VPS53: variants seen among roughly 807,000 people sequenced by gnomAD.
VPS53 encodes VPS53 subunit of GARP complex.
VPS53 carries 70 observed loss-of-function variants against 107.0 expected under a neutral mutation model. That is an observed-to-expected ratio of 0.65 (90% CI 0.54 to 0.80). The LOEUF (loss-of-function observed/expected upper bound fraction) is 0.80. VPS53 is among the 30% of genes least tolerant of loss of function. The pLI is 0.00. For synonymous variants in VPS53, 409 were observed against 393.3 expected, an observed-to-expected ratio of 1.04 and a Z score of -0.47; for missense variants, 917 against 1,049.4, an observed-to-expected ratio of 0.87 and a Z score of 1.74.
chr17:527,078 C>T (rs1414347381), intron 19 of VPS53, among the ~76,000 whole-genome samples: 1 of 152,226 alleles, frequency 6.6e-6, no homozygotes, highest in Admixed American at 6.5e-5. Context: ...TCACAGAGTA[C>T]ACAAACACCA....
intron 11 of VPS53, among the ~76,000 whole-genome samples, chr17:623,039 C>T (rs972065693): frequency 4.2e-4 from 64 of 152,074 alleles, no homozygotes; most frequent in African/African-American, 1.5e-3. Context: ...TTTGACTACA[C>T]AGAGACAAAC....
intron 13 of VPS53, among the ~76,000 whole-genome samples, chr17:573,102 G>C (rs1040956976): frequency 6.6e-6 from 1 of 152,212 alleles, no homozygotes; most frequent in Non-Finnish European, 1.5e-5. Flanking sequence ...CTCTAGAAAA[G>C]CATGAGTTCT....
At chr17:662,911 C>A (rs75988463) in intron 4 of VPS53, among the ~76,000 whole-genome samples, 1 of 147,492 alleles carries the variant, frequency 6.8e-6, no homozygotes, top group Non-Finnish European at 1.5e-5. Flanking sequence ...GGCAGGCAGG[C>A]AGGCAGGCAG....
chr17:663,773 T>C (rs1398953413), intron 4 of VPS53, among the ~76,000 whole-genome samples: 2 of 152,182 alleles, frequency 1.3e-5, no homozygotes, highest in Admixed American at 6.5e-5. Context: ...ATTTACTGAA[T>C]GCCTCCCATA....
chr17:650,299 A>C (rs1191828440), intron 7 of VPS53, among the ~76,000 whole-genome samples: 1 of 152,008 alleles, frequency 6.6e-6, no homozygotes, highest in Non-Finnish European at 1.5e-5. Flanking sequence ...GTTGAAGACC[A>C]ACCTGGGCAA....
At chr17:597,870 A>T (rs1184873287) in intron 12 of VPS53, among the ~76,000 whole-genome samples, 2 of 148,068 alleles carry the variant, frequency 1.4e-5, no homozygotes, top group African/African-American at 5.0e-5. Flanking sequence ...ATTCCCGGCC[A>T]TTTTTTTTTT....
chr17:700,897 G>A (rs1171608240), intron 2 of VPS53, among the ~76,000 whole-genome samples: 1 of 152,154 alleles, frequency 6.6e-6, no homozygotes, highest in Non-Finnish European at 1.5e-5. Context: ...TGCCTTCCAG[G>A]AGCAGGTCTG....
At chr17:580,558 T>G (rs927556401) in intron 13 of VPS53, among the ~76,000 whole-genome samples, 2 of 142,376 alleles carry the variant, frequency 1.4e-5, no homozygotes, top group Non-Finnish European at 3.0e-5. Flanking sequence ...AGAACCTCAG[T>G]GCATTGCCAG....
intron 17 of VPS53, among the ~76,000 whole-genome samples, chr17:542,082 G>A (rs1253533465): frequency 1.3e-5 from 2 of 152,086 alleles, no homozygotes; most frequent in East Asian, 1.9e-4. Context: ...CTGAAGGAAC[G>A]TTTCTCAAGC....
intron 9 of VPS53, among the ~76,000 whole-genome samples, chr17:627,698 C>T (rs1383562809): frequency 6.6e-6 from 1 of 152,082 alleles, no homozygotes; most frequent in Non-Finnish European, 1.5e-5. Context: ...ATTGCTTGAA[C>T]CCGGGAGGCA....
At chr17:607,754 T>C (rs760431950) in intron 11 of VPS53, among the ~76,000 whole-genome samples, 3 of 152,334 alleles carry the variant, frequency 2.0e-5, no homozygotes, top group South Asian at 2.1e-4. Context: ...CAAGCCGATA[T>C]AGGAAAGCAA....
At chr17:695,677 G>A (rs1972935539) in intron 4 of VPS53, among the ~76,000 whole-genome samples, 1 of 152,014 alleles carries the variant, frequency 6.6e-6, no homozygotes, top group Non-Finnish European at 1.5e-5. Context: ...GGCCTCCTCA[G>A]TAGCTGGGAC....
intron 11 of VPS53, among the ~76,000 whole-genome samples, chr17:606,369 T>C (rs1199616282): frequency 2.6e-5 from 4 of 152,136 alleles, no homozygotes; most frequent in African/African-American, 9.7e-5. Context: ...ACTTCTAGCC[T>C]CAGTTCTCCT....
At chr17:657,427 A>G (rs1971238327) in intron 5 of VPS53, 3 of 878,940 alleles carry the variant, frequency 3.4e-6, no homozygotes, top group Non-Finnish European at 5.8e-6. Flanking sequence ...AGGGGAAGAC[A>G]CTCTCTCAAC....
At chr17:584,715 T>C (rs1235443123) in intron 13 of VPS53, among the ~76,000 whole-genome samples, 1 of 152,056 alleles carries the variant, frequency 6.6e-6, no homozygotes, top group East Asian at 1.9e-4. Context: ...TTTATAAAGA[T>C]GAGGTTTCAG....
At chr17:601,992 T>C in intron 11 of VPS53, 96 bp from the exon 12 acceptor site, 1 of 856,826 alleles carries the variant, frequency 1.2e-6, no homozygotes, top group Non-Finnish European at 1.7e-6. Context: ...AACAAGGAAG[T>C]CATGCACGCT....
At chr17:645,869 C>T (rs893215994) in intron 7 of VPS53, among the ~76,000 whole-genome samples, 7 of 120,602 alleles carry the variant, frequency 5.8e-5, no homozygotes, top group East Asian at 2.9e-4. Flanking sequence ...CACACATCTC[C>T]GTGACCGCGT....
In VPS53 at chr17:537,848, T is replaced by TG. The variant is rs941544232; in HGVS notation, c.1867-673dup. The TG allele has an allele frequency of 9.3e-4, 141 of 152,292 alleles. 1 individual carries two copies. Among genetic ancestry groups the TG allele is most frequent in the African/African-American group, 3.2e-3 (132 of 41,544 alleles). 9.4% of individuals were successfully genotyped at this position (152,292 alleles called of 1,614,324 possible). ...CCATAATAAAACACTTGAAGAGGTATGCGTGTAGAATCTTACACTCCTAAA... is the reference window on the plus strand; with the variant it reads ...CCATAATAAAACACTTGAAGAGGTATGGCGTGTAGAATCTTACACTCCTAAA... On this transcript the variant is annotated intron_variant, in intron 17 of 21. Coordinates refer to ENST00000437048, the MANE Select transcript of VPS53 (RefSeq NM_001128159.3).
At chr17:694,110 A>G (rs1972865667) in intron 4 of VPS53, among the ~76,000 whole-genome samples, 1 of 152,212 alleles carries the variant, frequency 6.6e-6, no homozygotes, top group South Asian at 2.1e-4. Context: ...TTTGCATTAC[A>G]AAGTGCTGGA....
Sources: gnomAD v4.1 joint callset for allele counts (sites outside exome capture counted in the v4.1 genomes callset) on GRCh38, gnomAD v4.1.1 for gene constraint, MANE v1.5 for transcripts, NCBI Gene and HGNC (gene_info 2026-07-23, HGNC 2026-07-21) for gene names.